SPOCK1: variants seen among roughly 807,000 people sequenced by gnomAD.
SPOCK1 encodes the protein SPARC (osteonectin), cwcv and kazal like domains proteoglycan 1.
Under a neutral mutation model 55.3 loss-of-function variants are expected in SPOCK1, and 23 were observed. That is an observed-to-expected ratio of 0.42 (90% CI 0.30 to 0.59). The LOEUF is 0.59. SPOCK1 is among the 20% of genes least tolerant of loss of function. The pLI is 0.22. For missense variants in SPOCK1, 499 were observed against 552.5 expected, an observed-to-expected ratio of 0.90 and a Z score of 0.97; for synonymous variants, 226 against 221.0, an observed-to-expected ratio of 1.02 and a Z score of -0.20.
chr5:136,985,012 G>T (rs1259145395), intron 9 of SPOCK1, 128 bp downstream of exon 9: 5 of 950,722 alleles, frequency 5.3e-6, no homozygotes, highest in African/African-American at 4.8e-5. Context: ...CTCTGCCTGG[G>T]GTTAAAACAA....
intron 3 of SPOCK1, among the ~76,000 whole-genome samples, chr5:137,198,869 T>C (rs958042960): frequency 2.0e-5 from 3 of 152,232 alleles, no homozygotes; most frequent in Admixed American, 6.5e-5. Context: ...TCTGAATAAA[T>C]ACTAAACGAC....
In SPOCK1 at chr5:136,975,500, C is replaced by T. The variant is rs2126954442; in HGVS notation, c.*3154G>A. The stretch of plus-strand genomic sequence containing the variant: ...AAACTGACACTCAGGATTTGATGGG[C>T]TCTCATTACAATGCTATACATTTAA... On this transcript the variant is annotated 3_prime_UTR_variant, in exon 11 of 11. Coordinates refer to ENST00000394945, the MANE Select transcript of SPOCK1 (RefSeq NM_004598.4). 1 of 152,700 alleles carries T rather than the reference C, an allele frequency of 6.5e-6. No homozygotes were observed. Among genetic ancestry groups the T allele is most frequent in the South Asian group, 2.1e-4 (1 of 4,824 alleles). The allele number at this position is 152,700 out of a possible 1,614,324, so 9.5% of individuals were successfully genotyped here.
intron 9 of SPOCK1, among the ~76,000 whole-genome samples, chr5:136,982,908 A>G (rs1561570149): frequency 6.6e-6 from 1 of 152,138 alleles, no homozygotes; most frequent in Non-Finnish European, 1.5e-5. Flanking sequence ...CACTGGGATA[A>G]ATTTTAAATT....
intron 6 of SPOCK1, among the ~76,000 whole-genome samples, chr5:137,042,839 G>A (rs1278636760): frequency 6.6e-6 from 1 of 152,002 alleles, no homozygotes; most frequent in African/African-American, 2.4e-5. Context: ...ATTTATAAAT[G>A]TATGTACATA....
Position 136,988,674 on chromosome 5 carries a change from A to T in SPOCK1, c.707-31T>A, listed in dbSNP as rs1408845807. 3 of 1,587,892 alleles carry T rather than the reference A, an allele frequency of 1.9e-6. No homozygotes were observed. In the South Asian group the frequency reaches 3.4e-5, roughly 18 times the overall value. On this transcript the variant is annotated intron_variant, in intron 7 of 10. Transcript: ENST00000394945. ...AAACAAAAGGCATATCTCAGCTGCCACCAAGCCTGATGCTTTCCTCCCTGC... is the reference window on the plus strand; with the variant it reads ...AAACAAAAGGCATATCTCAGCTGCCTCCAAGCCTGATGCTTTCCTCCCTGC...
intron 2 of SPOCK1, among the ~76,000 whole-genome samples, chr5:137,453,591 G>A (rs1020135104): frequency 1.3e-5 from 2 of 152,160 alleles, no homozygotes; most frequent in African/African-American, 4.8e-5. Flanking sequence ...AATCTAGAGC[G>A]CTAATTTCAG....
chr5:137,144,806 A>G (rs935191115), intron 3 of SPOCK1, among the ~76,000 whole-genome samples: 2 of 152,202 alleles, frequency 1.3e-5, no homozygotes, highest in East Asian at 3.9e-4. Context: ...ACTGTAGGTG[A>G]GAAGGTAGGA....
chr5:137,270,348 T>C (rs1756938250), intron 2 of SPOCK1, among the ~76,000 whole-genome samples: 1 of 152,166 alleles, frequency 6.6e-6, no homozygotes, highest in South Asian at 2.1e-4. Context: ...AATAGAAAGA[T>C]GCATATCTAA....
At chr5:137,189,683 A>G (rs908841484) in intron 3 of SPOCK1, among the ~76,000 whole-genome samples, 1 of 152,220 alleles carries the variant, frequency 6.6e-6, no homozygotes, top group Non-Finnish European at 1.5e-5. Context: ...GCCACGGATC[A>G]AGAGGTAATT....
intron 3 of SPOCK1, among the ~76,000 whole-genome samples, chr5:137,198,136 G>A (rs1056139164): frequency 3.9e-5 from 6 of 151,938 alleles, no homozygotes; most frequent in African/African-American, 1.4e-4. Flanking sequence ...CATAATTGTT[G>A]TTTAAAAACA....
chr5:137,014,079 C>T (rs1751402782), intron 6 of SPOCK1, among the ~76,000 whole-genome samples: 1 of 152,144 alleles, frequency 6.6e-6, no homozygotes. Context: ...AGGTGGATCC[C>T]TCATGGCTTG....
At chr5:137,291,060 G>A (rs1419970179) in intron 2 of SPOCK1, among the ~76,000 whole-genome samples, 2 of 152,182 alleles carry the variant, frequency 1.3e-5, no homozygotes, top group Non-Finnish European at 2.9e-5. Flanking sequence ...GCTGGTAAAA[G>A]CCAGAGCCTA....
intron 6 of SPOCK1, among the ~76,000 whole-genome samples, chr5:137,020,019 A>G (rs67494240): frequency 0.039 from 5,920 of 151,978 alleles, 420 homozygotes; most frequent in African/African-American, 0.14. Context: ...GCATGCCAAA[A>G]TCTCTGGATT....
At chr5:137,388,768 C>T (rs187784900) in intron 2 of SPOCK1, among the ~76,000 whole-genome samples, 67 of 152,306 alleles carry the variant, frequency 4.4e-4, no homozygotes, top group Non-Finnish European at 7.6e-4. Context: ...TTCTGCAAAA[C>T]ACCGCAACTG....
chr5:137,413,955 C>T lies in SPOCK1; in HGVS notation c.186+84418G>A, dbSNP rs558238288. ...CAGAAATTACCCTCCCTCCACCCAC[C>T]TGTTCTCCTGAAACAAATATATGTG... On this transcript the variant is annotated intron_variant, in intron 2 of 10. Transcript: ENST00000394945. 3.3e-5 allele frequency among the ~76,000 whole-genome samples: 5 copies of T among 152,282 alleles called. No homozygotes were observed. In the East Asian group the frequency reaches 9.6e-4, roughly 29 times the overall value.
intron 5 of SPOCK1, among the ~76,000 whole-genome samples, chr5:137,101,820 C>T (rs371310403): frequency 1.3e-4 from 20 of 152,156 alleles, no homozygotes; most frequent in East Asian, 7.7e-4. Context: ...AGATGTGTCC[C>T]ACGATCAGAA....
chr5:137,495,300 C>T (rs1473556451), intron 2 of SPOCK1, among the ~76,000 whole-genome samples: 2 of 152,158 alleles, frequency 1.3e-5, no homozygotes, highest in African/African-American at 4.8e-5. Flanking sequence ...CTGGCAATGT[C>T]ACAGCACACC....
chr5:137,345,595 G>T (rs1049426013), intron 2 of SPOCK1, among the ~76,000 whole-genome samples: 11 of 152,150 alleles, frequency 7.2e-5, no homozygotes, highest in Non-Finnish European at 8.8e-5. Flanking sequence ...CAAACACCCT[G>T]GTCTAAGTGG....
chr5:137,253,850 AAGG>A (rs923476438), intron 3 of SPOCK1, among the ~76,000 whole-genome samples: 2 of 152,342 alleles, frequency 1.3e-5, no homozygotes, highest in African/African-American at 4.8e-5. Context: ...ATTATGTCTG[AAGG>A]AGTTCAAATG....
Sources: gnomAD v4.1 joint callset for allele counts (sites outside exome capture counted in the v4.1 genomes callset) on GRCh38, gnomAD v4.1.1 for gene constraint, MANE v1.5 for transcripts, NCBI Gene and HGNC (gene_info 2026-07-23, HGNC 2026-07-21) for gene names.